The following MAPK7 variants were observed in gnomAD, a reference collection of about 807,000 sequenced individuals.
MAPK7 encodes the protein mitogen-activated protein kinase 7, also known as BMK-1.
Under a neutral mutation model 56.9 loss-of-function variants are expected in MAPK7, and 30 were observed. That is an observed-to-expected ratio of 0.53 (90% confidence interval 0.39 to 0.72). The LOEUF (loss-of-function observed/expected upper bound fraction) is 0.72. Ranked by LOEUF, MAPK7 falls within the 30% of genes least tolerant of loss-of-function variation. The pLI, the probability that MAPK7 is intolerant of heterozygous loss-of-function variation, is 0.00. For synonymous variants in MAPK7, 516 were observed against 449.3 expected (o/e 1.15, Z -1.88); for missense variants, 952 against 1,110.8 (o/e 0.86, Z 2.03).
rs1912571811 is a variant in MAPK7, at chr17:19,380,666, C to G, written c.457C>G (p.Pro153Ala). The G allele has an allele frequency of 6.2e-7, 1 of 1,613,378 alleles. No individual in the cohort carries two copies. The highest frequency in any genetic ancestry group is 8.5e-7 in the Non-Finnish European group (1 of 1,179,508). Residue 153 changes from proline to alanine, a missense_variant, in exon 4 of 7, where the codon CCC (proline) becomes GCC (alanine). Transcript: ENST00000395604. ...GCACCAGATCATCCACTCCTCACAGCCCCTCACACTGGAACACGTGCGCTA... is the reference window on the plus strand; with the variant it reads ...GCACCAGATCATCCACTCCTCACAGGCCCTCACACTGGAACACGTGCGCTA... ...DLHQIIHSSQ[P>A]LTLEHVRYFL...
rs764463824 is a variant in MAPK7 at position 19,380,899 on chromosome 17, C to T, written c.690C>T (p.Pro230=). The T allele has an allele frequency of 6.5e-5, 105 of 1,614,036 alleles. No homozygotes were observed. The highest frequency in any genetic ancestry group is 3.5e-4 in the Admixed American group (21 of 60,002). ...EYVATRWYRA[P]ELMLSLHEYT... is the part of the protein sequence containing the mutation. ...TGGCCACGCGCTGGTACCGTGCGCC[C>T]GAGCTCATGCTCTCTTTGCATGAGT... Residue 230 remains proline, a synonymous_variant, in exon 4 of 7, where the codon CCC becomes CCT. Coordinates refer to ENST00000395604, the MANE Select transcript of MAPK7 (RefSeq NM_002749.4).
At position 19,382,797 on chromosome 17, in the gene MAPK7, C is replaced by G; in HGVS notation, c.2164-16C>G. On this transcript the variant is annotated splice_polypyrimidine_tract_variant and intron_variant, in intron 5 of 6. Transcript: ENST00000395604. ...GACCTCAGTCTGTCTGCATTGTAACCTGTCATTCCCTGCAGGTGGAGGACC... is the reference window on the plus strand; with the variant it reads ...GACCTCAGTCTGTCTGCATTGTAACGTGTCATTCCCTGCAGGTGGAGGACC... 1.9e-6 allele frequency: 3 copies of G among 1,613,330 alleles called. No individual in the cohort carries two copies. Among genetic ancestry groups the G allele is most frequent in the Middle Eastern group, 1.7e-4 (1 of 6,056 alleles).
Position 19,382,369 on chromosome 17 carries a change from C to G in MAPK7, c.2066C>G (p.Pro689Arg), listed in dbSNP as rs1291612994. The G allele has an allele frequency of 8.7e-6, 14 of 1,613,496 alleles. No individual in the cohort carries two copies. The change falls in exon 5 of 7, where the codon CCT becomes CGT. Residue 689 changes from proline to arginine, a missense_variant. Around this residue, in one of 5 missense-constraint regions of MAPK7, gnomAD observed 234 missense variants for 210.4 expected, o/e 1.11. Transcript: ENST00000395604. ...STPGVLPYFP[P>R]GLPPPDAGGA... ...CCAGGAGTTTTGCCTTACTTCCCAC[C>G]TGGCCTGCCGCCCCCAGACGCCGGG...
rs1912694901 is a variant in MAPK7 at position 19,381,761 on chromosome 17, C to T, written c.1478-20C>T. ...AAGGCTTCAGGCTTTTACCTTCTCC[C>T]CTGCCCAACTTCCCCGCAGATGGCC... On this transcript the variant is annotated intron_variant, in intron 4 of 6. Coordinates refer to ENST00000395604, the MANE Select transcript of MAPK7 (RefSeq NM_002749.4). The surrounding 1 kb of genome is among the most constrained non-coding windows in gnomAD (Gnocchi z 4.6). 1 of 1,537,830 alleles carries T rather than the reference C, an allele frequency of 6.5e-7. No homozygotes were observed. The highest frequency in any genetic ancestry group is 8.7e-7 in the Non-Finnish European group (1 of 1,145,430).
At chr17:19,380,213 C>G (rs1363509428) in intron 3 of MAPK7, 1 of 523,930 alleles carries the variant, frequency 1.9e-6, no homozygotes. Flanking sequence ...CCTCCTATTC[C>G]CATAGCAGAC....
chr17:19,378,139 T>C, upstream of MAPK7: 1 of 977,110 alleles, frequency 1.0e-6, no homozygotes, highest in South Asian at 4.7e-5. The surrounding 1 kb of genome is among the most constrained non-coding windows in gnomAD (Gnocchi z 5.4). Flanking sequence ...GGCCGGGCAG[T>C]TCCCCGAGCT....
At chr17:19,379,670 C>T (rs1912472803) in intron 2 of MAPK7, 112 bp from the exon 3 acceptor site, 1 of 935,170 alleles carries the variant, frequency 1.1e-6, no homozygotes, top group South Asian at 1.6e-5. Context: ...GTACCCAATA[C>T]TTGGTAGCTG....
chr17:19,381,130 G>T lies in MAPK7; in HGVS notation c.921G>T (p.Val307=), dbSNP rs1327259209. The T allele has an allele frequency of 6.2e-7, 1 of 1,613,968 alleles. No homozygotes were observed. Among genetic ancestry groups the T allele is most frequent in the Admixed American group, 1.7e-5 (1 of 60,028 alleles). The change falls in exon 4 of 7, where the codon GTG becomes GTT. Residue 307 remains valine, a synonymous_variant. Transcript: ENST00000395604. The surrounding 1 kb of genome is among the most constrained non-coding windows in gnomAD (Gnocchi z 4.6). ...AGAGCTTGCCACCACGCCAGCCTGT[G>T]CCCTGGGAGACAGTGTACCCAGGTG... The part of the protein sequence containing the change: ...YIQSLPPRQP[V]PWETVYPGAD...
chr17:19,380,362 C>A, intron 3 of MAPK7: 2 of 1,069,072 alleles, frequency 1.9e-6, no homozygotes, highest in Non-Finnish European at 1.3e-6. Context: ...CTGGTGTAGT[C>A]CAACCCCATC....
At chr17:19,378,090 C>G, upstream of MAPK7, 1 of 983,710 alleles carries the variant, frequency 1.0e-6, no homozygotes, top group Non-Finnish European at 1.2e-6. This position sits in a 1 kb window ranked among gnomAD's most constrained non-coding sequence, Gnocchi z 5.4. Flanking sequence ...ACTTCGGGAG[C>G]CAGTAGCCAA....
intron 5 of MAPK7, 142 bp from the exon 6 acceptor site, chr17:19,382,671 G>C: frequency 7.1e-7 from 1 of 1,408,956 alleles, no homozygotes; most frequent in South Asian, 1.4e-5. Context: ...GCCTAGCCCA[G>C]AGATGGGGCC....
At position 19,382,185 on chromosome 17, in the gene MAPK7, G is replaced by A; in HGVS notation, c.1882G>A (p.Val628Ile). Residue 628 changes from valine to isoleucine, a missense_variant, in exon 5 of 7, where the codon GTA (valine) becomes ATA (isoleucine). By Grantham distance (29) the Val-to-Ile change is conservative (BLOSUM62 3). This residue lies in a region of MAPK7 where 234 missense variants were observed against 210.4 expected (regional missense o/e 1.11). Transcript: ENST00000395604. ...PQSAGSTSGP[V>I]PQPACPPPGP... is the part of the protein sequence containing the mutation. ...ATCTGCGGGCTCTACCTCTGGCCCT[G>A]TACCCCAGCCTGCCTGCCCACCCCC... 4 of 1,612,008 alleles carry A rather than the reference G, an allele frequency of 2.5e-6. No homozygotes were observed.
In MAPK7 at chr17:19,380,984, C is replaced by T. The variant is rs1455739978; in HGVS notation, c.775C>T (p.Arg259Cys). 5 of 1,614,048 alleles carry T rather than the reference C, an allele frequency of 3.1e-6. No homozygotes were observed. Among genetic ancestry groups the T allele is most frequent in the Non-Finnish European group, 1.7e-6 (2 of 1,180,056 alleles). ...CATCTTTGGTGAGATGCTGGCCCGG[C>T]GCCAGCTCTTCCCAGGCAAAAACTA... ...GCIFGEMLAR[R>C]QLFPGKNYVH... The change falls in exon 4 of 7, where the codon CGC becomes TGC. Residue 259 changes from arginine to cysteine, a missense_variant. Physicochemically the swap from Arg to Cys is radical, Grantham distance 180. Coordinates refer to ENST00000395604, the MANE Select transcript of MAPK7 (RefSeq NM_002749.4).
chr17:19,378,458 G>C, upstream of MAPK7: 1 of 1,025,042 alleles, frequency 9.8e-7, no homozygotes, highest in Non-Finnish European at 1.2e-6. This position sits in a 1 kb window ranked among gnomAD's most constrained non-coding sequence, Gnocchi z 5.4. Context: ...AGGAGCTGGA[G>C]GGAGCGTGGC....
In MAPK7 at chr17:19,380,675, C is replaced by A; in HGVS notation, c.466C>A (p.Leu156Met). ...CATCCACTCCTCACAGCCCCTCACACTGGAACACGTGCGCTACTTCCTGTA... is the reference window on the plus strand; with the variant it reads ...CATCCACTCCTCACAGCCCCTCACAATGGAACACGTGCGCTACTTCCTGTA... ...QIIHSSQPLT[L>M]EHVRYFLYQL... is the part of the protein sequence containing the mutation. Residue 156 changes from leucine to methionine, a missense_variant, in exon 4 of 7, where the codon CTG becomes ATG. This residue lies in a region of MAPK7 where 213 missense variants were observed against 243.2 expected (regional missense o/e 0.88). Coordinates refer to ENST00000395604, the MANE Select transcript of MAPK7 (RefSeq NM_002749.4). The A allele has an allele frequency of 1.9e-6, 3 of 1,614,054 alleles. No individual in the cohort carries two copies. Among genetic ancestry groups the A allele is most frequent in the Non-Finnish European group, 2.5e-6 (3 of 1,179,928 alleles).
At position 19,379,828 on chromosome 17, in the gene MAPK7, G is replaced by T; in HGVS notation, c.279G>T (p.Val93=). ...IKKIPNAFDV[V]TNAKRTLREL... ...AGATCCCTAATGCTTTCGATGTGGT[G>T]ACCAATGCCAAGCGGACCCTCAGGG... Residue 93 remains valine, a synonymous_variant, in exon 3 of 7, where the codon GTG becomes GTT. Transcript: ENST00000395604. The T allele has an allele frequency of 6.2e-7, 1 of 1,614,214 alleles. No homozygotes were observed.
At position 19,378,680 on chromosome 17, in the gene MAPK7, C is replaced by T; in HGVS notation, c.-6+50C>T. ...AGGTGCCCCGCCCCTCCCTTTCTTCCTGGCCCGCGCCTCGCCTACCCCTCC... is the reference window on the plus strand; with the variant it reads ...AGGTGCCCCGCCCCTCCCTTTCTTCTTGGCCCGCGCCTCGCCTACCCCTCC... On this transcript the variant is annotated intron_variant, in intron 1 of 6. Coordinates refer to ENST00000395604, the MANE Select transcript of MAPK7 (RefSeq NM_002749.4). This position sits in a 1 kb window ranked among gnomAD's most constrained non-coding sequence, Gnocchi z 5.4. 7.1e-7 allele frequency: 1 copy of T among 1,415,588 alleles called. No individual in the cohort carries two copies. The highest frequency in any genetic ancestry group is 9.2e-7 in the Non-Finnish European group (1 of 1,088,856). 87.7% of individuals were successfully genotyped at this position (1,415,588 alleles called of 1,614,324 possible). A position where few individuals can be genotyped will look rare whatever the true frequency, so the allele number is the denominator to read the frequency against.
upstream of MAPK7, chr17:19,377,919 G>A: frequency 1.0e-6 from 1 of 985,438 alleles, no homozygotes; most frequent in Non-Finnish European, 1.2e-6. Context: ...GAGAGGCTCA[G>A]CCACCGGAAG....
Position 19,381,581 on chromosome 17 carries a change from C to T in MAPK7, c.1372C>T (p.Pro458Ser), listed in dbSNP as rs1344809050. The T allele has an allele frequency of 6.2e-7, 1 of 1,613,938 alleles. No homozygotes were observed. Among genetic ancestry groups the T allele is most frequent in the Non-Finnish European group, 8.5e-7 (1 of 1,180,026 alleles). The change falls in exon 4 of 7, where the codon CCA becomes TCA. Residue 458 changes from proline to serine, a missense_variant. Around this residue, in one of 5 missense-constraint regions of MAPK7, gnomAD observed 429 missense variants for 533.0 expected, o/e 0.80. Transcript: ENST00000395604. This position sits in a 1 kb window ranked among gnomAD's most constrained non-coding sequence, Gnocchi z 4.6. Reference protein sequence around the residue: ...TIDLTLQPPPPVSEPAPPKKD... With the variant: ...TIDLTLQPPPSVSEPAPPKKD... ...TGATCTGACCCTGCAGCCACCTCCA[C>T]CAGTCAGTGAGCCTGCCCCACCAAA...
Sources: gnomAD v4.1 joint callset for allele counts on GRCh38, gnomAD v4.1.1 for gene constraint, gnomAD v4.1.1 regional missense constraint, Gnocchi (gnomAD v3.1) non-coding constraint, MANE v1.5 for transcripts, NCBI Gene and HGNC (gene_info 2026-07-23, HGNC 2026-07-21) for gene names.